Variants in SASH1 observed in about 807,000 individuals in gnomAD.
SASH1 encodes SAM and SH3 domain-containing protein 1.
In SASH1, 44 loss-of-function variants were observed where a neutral mutation model predicts 125.2. That is an observed-to-expected ratio of 0.35 (90% CI 0.28 to 0.45). The LOEUF is 0.45. Among genes scored for constraint, SASH1 ranks in the 20% least tolerant of loss-of-function variants. The pLI, the probability that SASH1 is intolerant of heterozygous loss-of-function variation, is 1.00. For missense variants in SASH1, 1,426 were observed against 1,614.5 expected (o/e 0.88, Z 2.00); for synonymous variants, 639 against 649.1 (o/e 0.98, Z 0.24).
chr6:148,218,236 A>T, the SASH1 span, among the ~76,000 whole-genome samples: 1 of 152,100 alleles, frequency 6.6e-6, no homozygotes, highest in African/African-American at 2.4e-5. Context: ...TGAAAAAAAA[A>T]TAAAAAAACT....
At chr6:148,514,972 C>T (rs1360583863) in intron 9 of SASH1, among the ~76,000 whole-genome samples, 1 of 152,090 alleles carries the variant, frequency 6.6e-6, no homozygotes, top group Non-Finnish European at 1.5e-5. Flanking sequence ...CTTTAAGGAC[C>T]TAGGATTCTA....
intron 1 of SASH1, among the ~76,000 whole-genome samples, chr6:148,350,362 T>C (rs1394913763): frequency 1.3e-5 from 2 of 152,248 alleles, no homozygotes; most frequent in Non-Finnish European, 2.9e-5. Context: ...CCTGTCTCTC[T>C]ATACTGATAG....
intron 5 of SASH1, among the ~76,000 whole-genome samples, chr6:148,469,810 G>A (rs879321453): frequency 2.0e-5 from 3 of 152,016 alleles, no homozygotes; most frequent in East Asian, 1.9e-4. Context: ...GGTGGATGAC[G>A]AGATCAGGAG....
chr6:148,511,429 C>A (rs1387970326), intron 8 of SASH1, among the ~76,000 whole-genome samples: 1 of 151,616 alleles, frequency 6.6e-6, no homozygotes, highest in Non-Finnish European at 1.5e-5. Context: ...TGTGCCGCAT[C>A]TATCTTGTCT....
At chr6:148,347,693 G>A (rs779660834) in intron 1 of SASH1, among the ~76,000 whole-genome samples, 3 of 152,064 alleles carry the variant, frequency 2.0e-5, no homozygotes, top group African/African-American at 4.8e-5. Flanking sequence ...TTAATTTTAC[G>A]TCTTGGAATT....
At chr6:148,320,919 T>G (rs1292554049) in intron 1 of SASH1, among the ~76,000 whole-genome samples, 1 of 152,250 alleles carries the variant, frequency 6.6e-6, no homozygotes, top group Non-Finnish European at 1.5e-5. Context: ...GTAATTTTGA[T>G]TCTTCCTTCA....
intron 1 of SASH1, 26 bp downstream of exon 1, chr6:148,343,249 G>A (rs764451257): frequency 1.9e-6 from 3 of 1,572,850 alleles, no homozygotes; most frequent in African/African-American, 1.4e-5. Flanking sequence ...AGGGGGCGGC[G>A]CAGGAAGTAC....
At chr6:148,409,902 G>C (rs1253536712) in intron 2 of SASH1, among the ~76,000 whole-genome samples, 1 of 151,890 alleles carries the variant, frequency 6.6e-6, no homozygotes, top group African/African-American at 2.4e-5. Context: ...TTGCACCACT[G>C]CACTCCAGCC....
At chr6:148,521,003 C>T (rs1157976394) in intron 10 of SASH1, among the ~76,000 whole-genome samples, 2 of 152,134 alleles carry the variant, frequency 1.3e-5, no homozygotes, top group African/African-American at 4.8e-5. Context: ...AATGCCTTCC[C>T]CTAGCCTATA....
chr6:148,369,972 A>C (rs1782645526), intron 1 of SASH1, among the ~76,000 whole-genome samples: 2 of 149,440 alleles, frequency 1.3e-5, no homozygotes, highest in Non-Finnish European at 3.0e-5. Flanking sequence ...AAAACAAAAA[A>C]AAAAAAAAAA....
chr6:148,347,872 A>G (rs7760116), intron 1 of SASH1, among the ~76,000 whole-genome samples: 32,332 of 152,112 alleles, frequency 0.21, 3,891 homozygotes, highest in Middle Eastern at 0.31. Context: ...TCATTTAGAG[A>G]GAAGGGTTTG....
the SASH1 span, among the ~76,000 whole-genome samples, chr6:148,230,597 C>T: frequency 6.6e-6 from 1 of 152,184 alleles, no homozygotes; most frequent in Non-Finnish European, 1.5e-5. Context: ...AAAGTGCACC[C>T]TTGCGGCACC....
chr6:148,305,623 CAAAAAAAAAAA>C (rs59521298), intron 1 of SASH1, among the ~76,000 whole-genome samples: 5 of 104,380 alleles, frequency 4.8e-5, no homozygotes, highest in African/African-American at 1.2e-4. Flanking sequence ...GACTCTGACT[CAAAAAAAAAAA>C]AAAAAAAAAA....
chr6:148,502,167 T>G (rs746678992), intron 8 of SASH1, among the ~76,000 whole-genome samples: 1 of 152,202 alleles, frequency 6.6e-6, no homozygotes, highest in Non-Finnish European at 1.5e-5. Context: ...CTAGTTAATT[T>G]TGAAACTGCC....
intron 2 of SASH1, among the ~76,000 whole-genome samples, chr6:148,397,239 G>C (rs1006930122): frequency 3.3e-5 from 5 of 152,022 alleles, no homozygotes; most frequent in Non-Finnish European, 7.3e-5. Flanking sequence ...CCAGCACTTT[G>C]GGAGGCTGAG....
At chr6:148,395,766 C>T (rs1487998777) in intron 2 of SASH1, among the ~76,000 whole-genome samples, 1 of 152,240 alleles carries the variant, frequency 6.6e-6, no homozygotes, top group East Asian at 1.9e-4. Flanking sequence ...GGAGAAGCTG[C>T]AATCAGAAAT....
chr6:148,306,599 A>G (rs1780135430), intron 1 of SASH1, among the ~76,000 whole-genome samples: 1 of 151,820 alleles, frequency 6.6e-6, no homozygotes, highest in Non-Finnish European at 1.5e-5. Context: ...ATCCATCCAC[A>G]CTCCTACTTA....
intron 1 of SASH1, among the ~76,000 whole-genome samples, chr6:148,346,262 A>T (rs1781516454): frequency 6.6e-6 from 1 of 152,168 alleles, no homozygotes; most frequent in Non-Finnish European, 1.5e-5. Flanking sequence ...TAAATACAGG[A>T]TGGTTGTTTG....
chr6:148,373,392 A>G (rs895109771), intron 1 of SASH1, among the ~76,000 whole-genome samples: 1 of 151,904 alleles, frequency 6.6e-6, no homozygotes, highest in African/African-American at 2.4e-5. Context: ...GGTGTGTTGG[A>G]GGAGTAGCAA....
Sources: gnomAD v4.1 joint callset for allele counts (sites outside exome capture counted in the v4.1 genomes callset) on GRCh38, gnomAD v4.1.1 for gene constraint, MANE v1.5 for transcripts, NCBI Gene and HGNC (gene_info 2026-07-23, HGNC 2026-07-21) for gene names.